Variants in SYPL2 observed in about 807,000 individuals in gnomAD.
SYPL2 encodes synaptophysin-like protein 2.
A neutral mutation model predicts 31.3 loss-of-function variants in SYPL2; 24 were observed. The observed-to-expected ratio is 0.77, with a 90% CI of 0.56 to 1.08. The LOEUF is 1.08. Among genes scored for constraint, SYPL2 ranks in the 50% least tolerant of loss-of-function variants. The pLI is 0.00. For synonymous variants in SYPL2, 144 were observed against 143.1 expected (o/e 1.01, Z -0.05); for missense variants, 342 against 360.1 (o/e 0.95, Z 0.41).
rs1398754497 is a variant in SYPL2 at position 109,466,658 on chromosome 1, A to C, written c.-186A>C. 1.2e-4 allele frequency: 60 copies of C among 506,842 alleles called. 3 individuals are homozygous for C. The South Asian group carries it at 2.8e-3, about 24-fold the overall frequency. The allele number at this position is 506,842 out of a possible 1,614,324, so 31.4% of individuals were successfully genotyped here. A position where few individuals can be genotyped will look rare whatever the true frequency, so the allele number is the denominator to read the frequency against. ...CGCAGCCTCTGAGAGCACGAACAGC[A>C]GCGCCCCCGCGTCCCAGCCAGCCAG... On this transcript the variant is annotated 5_prime_UTR_variant, in exon 1 of 6. Transcript: ENST00000369872.
intron 2 of SYPL2, among the ~76,000 whole-genome samples, chr1:109,473,315 T>G (rs918175086): frequency 1.3e-5 from 2 of 152,188 alleles, no homozygotes; most frequent in Non-Finnish European, 2.9e-5. Context: ...TTTTACTGTC[T>G]TCTTTCCCAG....
intron 2 of SYPL2, among the ~76,000 whole-genome samples, chr1:109,473,755 C>T (rs1655905880): frequency 6.6e-6 from 1 of 151,882 alleles, no homozygotes. Flanking sequence ...ATTAGCTGGG[C>T]ATGGTGGTGG....
chr1:109,476,776 G>T lies in SYPL2; in HGVS notation c.255G>T (p.Arg85Ser), dbSNP rs760416939. 6 of 1,613,804 alleles carry T rather than the reference G, an allele frequency of 3.7e-6. No individual in the cohort carries two copies. The highest frequency in any genetic ancestry group is 2.2e-5 in the South Asian group (2 of 91,050). The stretch of plus-strand genomic sequence containing the variant: ...GGATGGCCTCCCCTGCCACCTGCAG[G>T]TTGCACCGGATCCAATATGAGATGC... ...SIIVAFGYPF[R>S]LHRIQYEMPL... The change falls in exon 4 of 6, where the codon AGG becomes AGT. Residue 85 changes from arginine to serine, a missense_variant and splice_region_variant. By Grantham distance (110) the Arg-to-Ser change is moderately radical (BLOSUM62 -1). Coordinates refer to ENST00000369872, the MANE Select transcript of SYPL2 (RefSeq NM_001040709.2).
chr1:109,479,268 G>C, intron 5 of SYPL2, 110 bp from the exon 6 acceptor site: 1 of 1,231,818 alleles, frequency 8.1e-7, no homozygotes, highest in Non-Finnish European at 1.2e-6. Context: ...CTAGTCCTCT[G>C]TGCTTCTTCC....
At position 109,469,819 on chromosome 1, in the gene SYPL2, C is replaced by A. The variant is rs147453057; in HGVS notation, c.129+2686C>A. Among the ~76,000 whole-genome samples, 634 of 110,964 alleles carry A rather than the reference C, an allele frequency of 5.7e-3. 3 individuals carry two copies. Among genetic ancestry groups the A allele is most frequent in the Admixed American group, 0.012 (117 of 9,774 alleles). 72.8% of individuals were successfully genotyped at this position (110,964 alleles called of 152,430 possible). On this transcript the variant is annotated intron_variant, in intron 2 of 5. Transcript: ENST00000369872. ...CTCCAGCCTGAGTGACAGAACTAGA[C>A]CTTGTCTCAAAAAAAAAAAAAAAAA...
At chr1:109,469,111 G>A (rs531726659) in intron 2 of SYPL2, among the ~76,000 whole-genome samples, 8 of 152,188 alleles carry the variant, frequency 5.3e-5, no homozygotes, top group Non-Finnish European at 1.2e-4. Flanking sequence ...CTCTGCAGAT[G>A]AGGTAACATA....
intron 2 of SYPL2, among the ~76,000 whole-genome samples, chr1:109,474,996 T>C (rs182626795): frequency 5.3e-4 from 81 of 152,332 alleles, no homozygotes; most frequent in African/African-American, 1.7e-3. Flanking sequence ...TATGGGACAG[T>C]AGTATGGCCC....
chr1:109,472,598 T>G (rs1271824197), intron 2 of SYPL2, among the ~76,000 whole-genome samples: 6 of 145,926 alleles, frequency 4.1e-5, no homozygotes, highest in Admixed American at 1.5e-4. Context: ...TACTTTCTTT[T>G]TCTTTACTTT....
At chr1:109,477,031 G>T in intron 4 of SYPL2, 54 bp downstream of exon 4, 1 of 1,604,552 alleles carries the variant, frequency 6.2e-7, no homozygotes, top group Non-Finnish European at 8.5e-7. Flanking sequence ...GTTTGTGAGG[G>T]GGTTGAGGTC....
chr1:109,475,723 C>A lies in SYPL2; in HGVS notation c.254+18C>A. The A allele has an allele frequency of 6.2e-7, 1 of 1,609,094 alleles. No individual in the cohort carries two copies. ...CCCTTCAGGTGAGCAAGAATTGGTT[C>A]CAACCCAGCACATCATCTCTCACTT... On this transcript the variant is annotated intron_variant, in intron 3 of 5. Transcript: ENST00000369872.
At chr1:109,469,669 C>T (rs571012629) in intron 2 of SYPL2, among the ~76,000 whole-genome samples, 194 of 151,234 alleles carry the variant, frequency 1.3e-3, no homozygotes, top group Non-Finnish European at 2.3e-3. Flanking sequence ...AAGGGGAGGT[C>T]GCGTCTCTAT....
intron 3 of SYPL2, 117 bp downstream of exon 3, chr1:109,475,822 C>T: frequency 7.1e-7 from 1 of 1,414,938 alleles, no homozygotes; most frequent in Non-Finnish European, 9.5e-7. Context: ...ACTCCAGATT[C>T]AAATAGAATG....
At chr1:109,477,749 A>C in intron 4 of SYPL2, 69 bp from the exon 5 acceptor site, 1 of 1,538,538 alleles carries the variant, frequency 6.5e-7, no homozygotes, top group East Asian at 2.3e-5. Flanking sequence ...GTATCATGGC[A>C]AGTGGAAAAG....
chr1:109,467,056 C>T lies in SYPL2; in HGVS notation c.55-3C>T. On this transcript the variant is annotated splice_polypyrimidine_tract_variant and splice_region_variant and intron_variant, in intron 1 of 5. Transcript: ENST00000369872. ...GACCCCCCGGCCGGCTGTGTCTCCG[C>T]AGGTGGACCGCCTACTCGTGGGGCT... is the stretch of plus-strand genomic sequence containing the variant. The T allele has an allele frequency of 6.5e-7, 1 of 1,544,638 alleles. No homozygotes were observed. Among genetic ancestry groups the T allele is most frequent in the South Asian group, 1.2e-5 (1 of 83,872 alleles).
Position 109,467,152 on chromosome 1 carries a change from C to T in SYPL2, c.129+19C>T. The T allele has an allele frequency of 6.5e-7, 1 of 1,535,654 alleles. No homozygotes were observed. The highest frequency in any genetic ancestry group is 8.7e-7 in the Non-Finnish European group (1 of 1,143,452). On this transcript the variant is annotated intron_variant, in intron 2 of 5. Coordinates refer to ENST00000369872, the MANE Select transcript of SYPL2 (RefSeq NM_001040709.2). ...CCAGTGGGTGAGTCGCTGCCCCGGC[C>T]CCGGGCTATTTCGGGAGCCTGGGCT...
intron 5 of SYPL2, 58 bp from the exon 6 acceptor site, chr1:109,479,320 C>T (rs1014182981): frequency 6.0e-5 from 95 of 1,584,852 alleles, no homozygotes; most frequent in Admixed American, 8.4e-5. Context: ...AACTCCCCCT[C>T]CCTGTTCCCA....
intron 2 of SYPL2, among the ~76,000 whole-genome samples, chr1:109,471,406 C>T (rs180748084): frequency 6.6e-6 from 1 of 152,342 alleles, no homozygotes; most frequent in Non-Finnish European, 1.5e-5. Flanking sequence ...ATTTTGCCCT[C>T]TGAGGAATCC....
At chr1:109,475,445 AGAACTT>A in intron 2 of SYPL2, 130 bp from the exon 3 acceptor site, 2 of 1,243,400 alleles carry the variant, frequency 1.6e-6, no homozygotes, top group South Asian at 3.2e-5. Context: ...CTACCTAGGA[AGAACTT>A]GATTAAAGGG....
rs1468396702 is a variant in SYPL2 at position 109,466,743 on chromosome 1, C to G, written c.-101C>G. The G allele has an allele frequency of 7.6e-7, 1 of 1,308,348 alleles. No individual in the cohort carries two copies. The highest frequency in any genetic ancestry group is 9.9e-7 in the Non-Finnish European group (1 of 1,009,908). 81.0% of individuals were successfully genotyped at this position (1,308,348 alleles called of 1,614,324 possible). ...CTCGCGCTCCGGCCCCGCTCGCCTG[C>G]TCTGCCCCGGACCTGCAGCTCCCCG... On this transcript the variant is annotated 5_prime_UTR_variant, in exon 1 of 6. Coordinates refer to ENST00000369872, the MANE Select transcript of SYPL2 (RefSeq NM_001040709.2).
Sources: allele counts gnomAD v4.1 joint callset (sites outside exome capture counted in the v4.1 genomes callset), GRCh38; gene constraint gnomAD v4.1.1; transcripts MANE v1.5; gene names NCBI Gene and HGNC (gene_info 2026-07-23, HGNC 2026-07-21).